RASGRP1: variants seen among roughly 807,000 people sequenced by gnomAD.
RASGRP1 encodes the protein RAS guanyl-releasing protein 1.
In RASGRP1, 37 loss-of-function variants were observed where a neutral mutation model predicts 95.1. The observed-to-expected ratio is 0.39, with a 90% CI of 0.30 to 0.51. The LOEUF (loss-of-function observed/expected upper bound fraction) is 0.51, where lower values mean the gene tolerates loss of function less well. Among genes scored for constraint, RASGRP1 ranks in the 20% least tolerant of loss-of-function variants. The pLI, the probability that RASGRP1 is intolerant of heterozygous loss-of-function variation, is 0.80. For missense variants in RASGRP1, 711 were observed against 965.4 expected (o/e 0.74, Z 3.49); for synonymous variants, 325 against 353.4 (o/e 0.92, Z 0.90).
In RASGRP1 at chr15:38,494,493, T is replaced by C. The variant is rs371894013; in HGVS notation, c.2148A>G (p.Pro716=). ...CAAAAGCCCGCTTTCTGACCAAGAC[T>C]GGGCTAGGACATGGAGAGGTGGGAC... ...LPSPTSPCPS[P]VLVRKRAFVK... The change falls in exon 16 of 17, where the codon CCA becomes CCG. Residue 716 remains proline (P), a synonymous_variant. Transcript: ENST00000310803. 5.6e-5 allele frequency: 90 copies of C among 1,607,824 alleles called. No homozygotes were observed. In the South Asian group the frequency reaches 9.7e-4, roughly 17 times the overall value.
Position 38,519,377 on chromosome 15 carries a change from G to A in RASGRP1, c.327-6C>T, listed in dbSNP as rs780307146. 12 of 1,513,106 alleles carry A rather than the reference G, an allele frequency of 7.9e-6. No individual in the cohort carries two copies. The highest frequency in any genetic ancestry group is 1.7e-5 in the Admixed American group (1 of 58,556). The allele number at this position is 1,513,106 out of a possible 1,614,324, so 93.7% of individuals were successfully genotyped here. A position where few individuals can be genotyped will look rare whatever the true frequency, so the allele number is the denominator to read the frequency against. ...TTGCCAAAGCATCCTTATAGGTAGG[G>A]CTGTGGTTAAGGGAAATGGAGACCT... is the stretch of plus-strand genomic sequence containing the variant. On this transcript the variant is annotated splice_region_variant and splice_polypyrimidine_tract_variant and intron_variant, in intron 3 of 16. Coordinates refer to ENST00000310803, the MANE Select transcript of RASGRP1 (RefSeq NM_005739.4).
chr15:38,503,431 A>G (rs80048554), intron 10 of RASGRP1, 55 bp from the exon 11 acceptor site: 16,061 of 1,306,146 alleles, frequency 0.012, 166 homozygotes, highest in Non-Finnish European at 0.013. Flanking sequence ...ATTATAACCT[A>G]TAGCTCTTTC....
chr15:38,508,060 T>G (rs1891336229), intron 8 of RASGRP1, 59 bp from the exon 9 acceptor site: 1 of 1,518,288 alleles, frequency 6.6e-7, no homozygotes, highest in Non-Finnish European at 8.9e-7. Flanking sequence ...TTGTCTGTAA[T>G]GAGGACCTTG....
Position 38,526,292 on chromosome 15 carries a change from A to G in RASGRP1, c.326+7T>C. ...TTGGGATTGCCAGTCACTATGTTAAAGGATATAGGGTGATAACTTTTTGGA... is the reference window on the plus strand; with the variant it reads ...TTGGGATTGCCAGTCACTATGTTAAGGGATATAGGGTGATAACTTTTTGGA... On this transcript the variant is annotated splice_region_variant and intron_variant, in intron 3 of 16. Transcript: ENST00000310803. 6.2e-7 allele frequency: 1 copy of G among 1,606,400 alleles called. No homozygotes were observed. The highest frequency in any genetic ancestry group is 8.5e-7 in the Non-Finnish European group (1 of 1,173,492).
At chr15:38,541,836 A>G (rs1892875698) in intron 2 of RASGRP1, among the ~76,000 whole-genome samples, 1 of 152,168 alleles carries the variant, frequency 6.6e-6, no homozygotes, top group Admixed American at 6.5e-5. Flanking sequence ...AGTACATGGT[A>G]CAGTCAGGGC....
chr15:38,529,519 A>C (rs1892357632), intron 2 of RASGRP1, among the ~76,000 whole-genome samples: 1 of 152,212 alleles, frequency 6.6e-6, no homozygotes, highest in Admixed American at 6.5e-5. Context: ...TCCTCAGAGA[A>C]GTCTTTTCTA....
chr15:38,511,007 T>TA (rs1185749722), intron 8 of RASGRP1, among the ~76,000 whole-genome samples: 1 of 152,174 alleles, frequency 6.6e-6, no homozygotes, highest in African/African-American at 2.4e-5. Flanking sequence ...TCATAAAAGA[T>TA]AAAAGTATAT....
intron 2 of RASGRP1, among the ~76,000 whole-genome samples, chr15:38,551,806 C>T (rs936452825): frequency 2.0e-5 from 3 of 152,084 alleles, no homozygotes; most frequent in African/African-American, 7.2e-5. Flanking sequence ...AAGCATTGAG[C>T]AGCAAGTGAT....
At chr15:38,544,664 G>T (rs1235572333) in intron 2 of RASGRP1, among the ~76,000 whole-genome samples, 1 of 152,162 alleles carries the variant, frequency 6.6e-6, no homozygotes, top group Non-Finnish European at 1.5e-5. Context: ...CCAGCCTCCA[G>T]AATCATAAGC....
At position 38,500,348 on chromosome 15, in the gene RASGRP1, G is replaced by GT. The variant is rs201597634; in HGVS notation, c.1684-210dup. ...GTTTCTCAAGAAGCAGGTTTTTTTT[G>GT]TTTTGTTTTTTTTGAGACAGTCTTG... On this transcript the variant is annotated intron_variant, in intron 13 of 16. Transcript: ENST00000310803. 2.8e-3 allele frequency among the ~76,000 whole-genome samples: 429 copies of GT among 150,916 alleles called. 4 individuals are homozygous for GT. The highest frequency in any genetic ancestry group is 0.01 in the African/African-American group (414 of 41,100).
In RASGRP1 at chr15:38,509,873, C is replaced by T. The variant is rs1207467255; in HGVS notation, c.966+1731G>A. Among the ~76,000 whole-genome samples, 4 of 152,158 alleles carry T rather than the reference C, an allele frequency of 2.6e-5. No individual in the cohort carries two copies. The East Asian group carries it at 7.7e-4, about 29-fold the overall frequency. On this transcript the variant is annotated intron_variant, in intron 8 of 16. Transcript: ENST00000310803. The stretch of plus-strand genomic sequence containing the variant: ...ACTGTAACCCTTTTAGACACTGTGC[C>T]CAAACTTAATAAAATTGTGGCCTAC...
intron 2 of RASGRP1, among the ~76,000 whole-genome samples, chr15:38,539,263 C>A (rs1210697454): frequency 6.6e-6 from 1 of 152,288 alleles, no homozygotes; most frequent in Non-Finnish European, 1.5e-5. Context: ...AGCTGGCCTG[C>A]ATGCTAAATG....
chr15:38,505,038 A>G (rs2141097993), intron 10 of RASGRP1: 1 of 152,268 alleles, frequency 6.6e-6, no homozygotes, highest in African/African-American at 2.4e-5. Flanking sequence ...TCTACCAAAT[A>G]TTTTCAGTGG....
In RASGRP1 at chr15:38,494,532, T is replaced by C. The variant is rs1211758556; in HGVS notation, c.2109A>G (p.Leu703=). ...GAGAGGTGGGACTGGGAAGCACATA[T>C]AGAGTATCCTGGGCTGTCTTCCTTG... The part of the protein sequence containing the change: ...SSPRKTAQDT[L]YVLPSPTSPC... Residue 703 remains leucine (L), a synonymous_variant, in exon 16 of 17, where the codon CTA becomes CTG. Transcript: ENST00000310803. The C allele has an allele frequency of 3.1e-6, 5 of 1,593,826 alleles. No individual in the cohort carries two copies. The highest frequency in any genetic ancestry group is 4.3e-6 in the Non-Finnish European group (5 of 1,169,702).
intron 6 of RASGRP1, among the ~76,000 whole-genome samples, chr15:38,513,867 A>G (rs1312281613): frequency 6.6e-6 from 1 of 152,102 alleles, no homozygotes; most frequent in Admixed American, 6.6e-5. Flanking sequence ...TGACCATATG[A>G]CATGGTTCAG....
At chr15:38,560,536 G>A (rs1450216222) in intron 1 of RASGRP1, among the ~76,000 whole-genome samples, 3 of 152,122 alleles carry the variant, frequency 2.0e-5, no homozygotes, top group Non-Finnish European at 4.4e-5. Context: ...TACTACACAA[G>A]GTCAGGCAGC....
At chr15:38,503,095 G>C (rs1891104215) in intron 11 of RASGRP1, 177 bp downstream of exon 11, 3 of 609,746 alleles carry the variant, frequency 4.9e-6, no homozygotes, top group Admixed American at 5.8e-5. Flanking sequence ...TATGAGTCCA[G>C]TGTGTGTTGT....
chr15:38,564,474 C>G (rs1194057051), intron 1 of RASGRP1, 120 bp downstream of exon 1: 9 of 1,029,190 alleles, frequency 8.7e-6, no homozygotes, highest in Non-Finnish European at 1.1e-5. Context: ...CCCGGGACTC[C>G]GGCCGACCCC....
rs1363911918 is a variant in RASGRP1, at chr15:38,512,853, A to C, written c.779T>G (p.Leu260Arg). 6.2e-7 allele frequency: 1 copy of C among 1,613,636 alleles called. No homozygotes were observed. Among genetic ancestry groups the C allele is most frequent in the Admixed American group, 1.7e-5 (1 of 59,990 alleles). Residue 260 changes from leucine to arginine, a missense_variant, in exon 7 of 17, where the codon CTG becomes CGG. Around this residue, in one of 3 missense-constraint regions of RASGRP1, gnomAD observed 491 missense variants for 676.6 expected, o/e 0.73. Coordinates refer to ENST00000310803, the MANE Select transcript of RASGRP1 (RefSeq NM_005739.4). ...LCNGISQWVQ[L>R]MVLSRPTPQL... ...CGGCGTGGGGCGGCTGAGAACCATC[A>C]GTTGTACCCACTGGGAGATGCCGTT...
Sources: allele counts gnomAD v4.1 joint callset (sites outside exome capture counted in the v4.1 genomes callset), GRCh38; gene constraint gnomAD v4.1.1; regional missense constraint gnomAD v4.1.1; transcripts MANE v1.5; gene names NCBI Gene and HGNC (gene_info 2026-07-23, HGNC 2026-07-21).